Variants in RAI1 observed in about 807,000 individuals in gnomAD.
RAI1 encodes the protein retinoic acid-induced protein 1.
Under a neutral mutation model 123.8 loss-of-function variants are expected in RAI1, and 9 were observed. The ratio of observed to expected loss-of-function variants is 0.07; its 90% CI spans 0.04 to 0.13. RAI1 has a LOEUF of 0.13. Among genes scored for constraint, RAI1 ranks in the 10% least tolerant of loss-of-function variants. RAI1 has a pLI of 1.00. For missense variants in RAI1, 2,256 were observed against 2,545.8 expected (o/e 0.89, Z 2.45); for synonymous variants, 1,231 against 1,127.3 (o/e 1.09, Z -1.84).
intron 1 of RAI1, among the ~76,000 whole-genome samples, chr17:17,711,229 G>C (rs1255205936): frequency 2.0e-5 from 3 of 152,226 alleles, no homozygotes; most frequent in Non-Finnish European, 4.4e-5. Context: ...CTGGCTGGGG[G>C]TTGTCCCTCC....
chr17:17,726,738 G>A (rs1256831728), intron 2 of RAI1, among the ~76,000 whole-genome samples: 1 of 150,702 alleles, frequency 6.6e-6, no homozygotes, highest in Non-Finnish European at 1.5e-5. Flanking sequence ...GAAAAAAAAA[G>A]AGAAAAATAA....
chr17:17,794,540 A>G lies in RAI1; in HGVS notation c.1592A>G (p.Tyr531Cys). ...GACCCACTGGAGCGCAGCTTCCTCT[A>G]CTGCAACCAGGCCCGTGGCAGCCCT... ...SEDPLERSFL[Y>C]CNQARGSPAR... The change falls in exon 3 of 6, where the codon TAC (tyrosine) becomes TGC (cysteine). Residue 531 changes from tyrosine to cysteine, a missense_variant. Around this residue, in one of 7 missense-constraint regions of RAI1, gnomAD observed 357 missense variants for 480.2 expected, o/e 0.74. Transcript: ENST00000353383. The G allele has an allele frequency of 6.2e-7, 1 of 1,613,054 alleles. No individual in the cohort carries two copies. The highest frequency in any genetic ancestry group is 8.5e-7 in the Non-Finnish European group (1 of 1,179,960).
intron 2 of RAI1, among the ~76,000 whole-genome samples, chr17:17,789,344 GCA>G (rs1288047859): frequency 6.6e-6 from 1 of 152,248 alleles, no homozygotes; most frequent in Non-Finnish European, 1.5e-5. Flanking sequence ...CAAGAAAGCC[GCA>G]CAGAGTAGGT....
At chr17:17,781,855 G>A (rs1471944313) in intron 2 of RAI1, among the ~76,000 whole-genome samples, 1 of 152,078 alleles carries the variant, frequency 6.6e-6, no homozygotes, top group East Asian at 1.9e-4. Context: ...CGCTGCCGGA[G>A]GGTCTGCGTG....
chr17:17,735,243 G>A (rs1361798493), intron 2 of RAI1, among the ~76,000 whole-genome samples: 1 of 151,418 alleles, frequency 6.6e-6, no homozygotes, highest in Non-Finnish European at 1.5e-5. Flanking sequence ...TGGTAGAGAT[G>A]GGGTTTCACC....
intron 2 of RAI1, among the ~76,000 whole-genome samples, chr17:17,752,773 G>A (rs1171875396): frequency 6.6e-6 from 1 of 152,144 alleles, no homozygotes; most frequent in African/African-American, 2.4e-5. Context: ...CCTTCTTTCC[G>A]GCCGATTCCT....
chr17:17,801,956 T>C lies in RAI1; in HGVS notation c.5566-1800T>C, dbSNP rs976450913. 13 of 423,228 alleles carry C rather than the reference T, an allele frequency of 3.1e-5. No individual in the cohort carries two copies. Among genetic ancestry groups the C allele is most frequent in the African/African-American group, 2.4e-4 (12 of 49,196 alleles). The allele number at this position is 423,228 out of a possible 1,614,324, so 26.2% of individuals were successfully genotyped here. On this transcript the variant is annotated intron_variant, in intron 3 of 5. Transcript: ENST00000353383. This position sits in a 1 kb window ranked among gnomAD's most constrained non-coding sequence, Gnocchi z 4.1. ...GCCATGCCTGGCACATAGGAAGCTA[T>C]TGTCGTTTGTTTCACTGGCTTCGCA... is the stretch of plus-strand genomic sequence containing the variant.
At chr17:17,702,700 A>G (rs1268519491) in intron 1 of RAI1, among the ~76,000 whole-genome samples, 3 of 152,250 alleles carry the variant, frequency 2.0e-5, no homozygotes, top group Non-Finnish European at 2.9e-5. Context: ...AATGAGGCTC[A>G]CAGGGGTTTA....
chr17:17,720,917 C>T (rs1915860656), intron 1 of RAI1, among the ~76,000 whole-genome samples: 1 of 152,090 alleles, frequency 6.6e-6, no homozygotes, highest in African/African-American at 2.4e-5. Flanking sequence ...CAGGGAGTCC[C>T]CAGGGAGCCA....
intron 1 of RAI1, among the ~76,000 whole-genome samples, chr17:17,687,431 C>T (rs576678232): frequency 2.0e-5 from 3 of 152,208 alleles, no homozygotes; most frequent in Non-Finnish European, 2.9e-5. Flanking sequence ...CCAGGGACCC[C>T]GTGGAGACAG....
intron 2 of RAI1, among the ~76,000 whole-genome samples, chr17:17,757,369 G>A (rs1273772417): frequency 6.6e-6 from 1 of 152,172 alleles, no homozygotes. Context: ...AAGCCGGGGG[G>A]CGGCAGGATG....
At chr17:17,728,715 G>A (rs1368082110) in intron 2 of RAI1, among the ~76,000 whole-genome samples, 2 of 152,260 alleles carry the variant, frequency 1.3e-5, no homozygotes, top group Non-Finnish European at 2.9e-5. Context: ...CACTGAGCTT[G>A]TTGTTTGCAC....
chr17:17,808,905 T>C (rs1313784933), intron 4 of RAI1, among the ~76,000 whole-genome samples: 1 of 152,160 alleles, frequency 6.6e-6, no homozygotes. Context: ...CAGGGGTTCA[T>C]GACATGCTCA....
At chr17:17,778,700 C>T (rs1371935818) in intron 2 of RAI1, 1 of 456,614 alleles carries the variant, frequency 2.2e-6, no homozygotes, top group Non-Finnish European at 4.4e-6. Context: ...CTCTCAAAAG[C>T]CTCCCTTTCC....
At chr17:17,766,946 G>T (rs879888863) in intron 2 of RAI1, among the ~76,000 whole-genome samples, 13 of 151,856 alleles carry the variant, frequency 8.6e-5, no homozygotes, top group Non-Finnish European at 1.3e-4. Context: ...AGAGGGTGGG[G>T]TGGTGTGAGT....
chr17:17,783,849 T>G (rs2031719599), intron 2 of RAI1, among the ~76,000 whole-genome samples: 1 of 151,916 alleles, frequency 6.6e-6, no homozygotes, highest in African/African-American at 2.4e-5. Flanking sequence ...CCGCTTCGTT[T>G]CAATTACCCT....
chr17:17,693,380 A>C (rs1316070499), intron 1 of RAI1, among the ~76,000 whole-genome samples: 1 of 152,180 alleles, frequency 6.6e-6, no homozygotes, highest in African/African-American at 2.4e-5. Flanking sequence ...CAAACAAAAC[A>C]AGCTTGATCA....
intron 1 of RAI1, among the ~76,000 whole-genome samples, chr17:17,687,243 G>A (rs551426437): frequency 8.3e-4 from 127 of 152,306 alleles, no homozygotes; most frequent in South Asian, 2.7e-3. Context: ...TGGAGCAGGC[G>A]AGCATGGGGT....
chr17:17,808,482 G>T (rs1483438049), intron 4 of RAI1, among the ~76,000 whole-genome samples: 1 of 147,402 alleles, frequency 6.8e-6, no homozygotes, highest in Non-Finnish European at 1.5e-5. Flanking sequence ...GGGCCTGGCT[G>T]TGTTGCCCAG....
Sources: gnomAD v4.1 joint callset for allele counts (sites outside exome capture counted in the v4.1 genomes callset) on GRCh38, gnomAD v4.1.1 for gene constraint, gnomAD v4.1.1 regional missense constraint, Gnocchi (gnomAD v3.1) non-coding constraint, MANE v1.5 for transcripts, NCBI Gene and HGNC (gene_info 2026-07-23, HGNC 2026-07-21) for gene names.